KCTD16: variants seen among roughly 807,000 people sequenced by gnomAD.
KCTD16 encodes potassium channel tetramerization domain containing 16, also known as BTB/POZ domain-containing protein KCTD16.
A neutral mutation model predicts 33.2 loss-of-function variants in KCTD16; 13 were observed. The observed-to-expected ratio is 0.39, with a 90% CI of 0.25 to 0.62. The LOEUF (loss-of-function observed/expected upper bound fraction) is 0.62. Ranked by LOEUF, KCTD16 falls within the 20% of genes least tolerant of loss-of-function variation. The probability of loss-of-function intolerance (pLI) is 0.50; values close to 1 mark genes in which losing one functional copy is unlikely to be tolerated. For missense variants in KCTD16, 441 were observed against 525.1 expected (o/e 0.84, Z 1.57); for synonymous variants, 197 against 195.3 (o/e 1.01, Z -0.07).
At chr5:144,171,713 G>C (rs1245935436) in intron 1 of KCTD16, among the ~76,000 whole-genome samples, 1 of 152,180 alleles carries the variant, frequency 6.6e-6, no homozygotes, top group East Asian at 1.9e-4. Context: ...TGAGTGACTG[G>C]AACAGCAAGT....
chr5:144,396,153 C>A (rs1026094244), intron 3 of KCTD16, among the ~76,000 whole-genome samples: 1 of 152,062 alleles, frequency 6.6e-6, no homozygotes, highest in Non-Finnish European at 1.5e-5. Flanking sequence ...CTGTCAGATA[C>A]CAACTGCAGG....
chr5:144,425,893 C>T (rs908223569), intron 3 of KCTD16, among the ~76,000 whole-genome samples: 1 of 152,094 alleles, frequency 6.6e-6, no homozygotes, highest in African/African-American at 2.4e-5. Context: ...GTCTTTCTCC[C>T]ATTGTCTTGA....
At chr5:144,439,011 C>T (rs1254033725) in intron 3 of KCTD16, among the ~76,000 whole-genome samples, 3 of 151,676 alleles carry the variant, frequency 2.0e-5, no homozygotes, top group South Asian at 4.2e-4. Context: ...GCACATGTTC[C>T]TTCCTCGTTC....
intron 3 of KCTD16, among the ~76,000 whole-genome samples, chr5:144,369,056 T>C (rs1243320263): frequency 1.3e-5 from 2 of 152,072 alleles, no homozygotes; most frequent in African/African-American, 4.8e-5. Context: ...TTATGCCAGG[T>C]ATATAATTCA....
intron 3 of KCTD16, among the ~76,000 whole-genome samples, chr5:144,290,208 T>C (rs1011827549): frequency 2.0e-5 from 3 of 152,062 alleles, no homozygotes; most frequent in Non-Finnish European, 4.4e-5. Context: ...AGTGGGAGAA[T>C]TGCTTGAGTC....
chr5:144,219,556 T>G (rs891657662), intron 3 of KCTD16, among the ~76,000 whole-genome samples: 3 of 140,928 alleles, frequency 2.1e-5, no homozygotes, highest in Admixed American at 1.5e-4. Flanking sequence ...AGTCTCGCTC[T>G]GTCTCGCAGG....
intron 3 of KCTD16, among the ~76,000 whole-genome samples, chr5:144,311,807 A>AC (rs1416339765): frequency 6.6e-6 from 1 of 152,222 alleles, no homozygotes; most frequent in Non-Finnish European, 1.5e-5. Context: ...TAAACACTCT[A>AC]CCATACACAG....
At position 144,473,961 on chromosome 5, in the gene KCTD16, G is replaced by C; in HGVS notation, c.1134G>C (p.Met378Ile). ...TLTSGSRESN[M>I]SSKKKAVKEK... ...CTTCAGGCTCCAGGGAATCGAACAT[G>C]AGCAGCAAAAAAAAAGCTGTTAAAG... Residue 378 changes from methionine to isoleucine, a missense_variant, in exon 4 of 4, where the codon ATG becomes ATC. Physicochemically the swap from Met to Ile is conservative, Grantham distance 10. Transcript: ENST00000512467. 6.2e-7 allele frequency: 1 copy of C among 1,613,722 alleles called. No homozygotes were observed. Among genetic ancestry groups the C allele is most frequent in the Non-Finnish European group, 8.5e-7 (1 of 1,179,922 alleles).
chr5:144,366,465 A>C lies in KCTD16; in HGVS notation c.833-107195A>C, dbSNP rs1217930924. 2.6e-5 allele frequency among the ~76,000 whole-genome samples: 4 copies of C among 152,164 alleles called. No individual in the cohort carries two copies. In the South Asian group the frequency reaches 8.3e-4, roughly 32 times the overall value. ...CATAAAGTTGTGATCAGTTCCCATC[A>C]ATTCCAATAACTTTTCTAAGATAGT... On this transcript the variant is annotated intron_variant, in intron 3 of 3. Transcript: ENST00000512467.
intron 3 of KCTD16, among the ~76,000 whole-genome samples, chr5:144,405,437 T>C (rs1172348926): frequency 6.6e-6 from 1 of 152,238 alleles, no homozygotes; most frequent in African/African-American, 2.4e-5. Context: ...CCTTGATCCC[T>C]GCTGTCACAG....
chr5:144,408,169 G>A (rs180730965), intron 3 of KCTD16, among the ~76,000 whole-genome samples: 2 of 152,296 alleles, frequency 1.3e-5, no homozygotes, highest in African/African-American at 2.4e-5. Context: ...TTTAAGAGAC[G>A]TTATTAAGAT....
chr5:144,228,135 A>G (rs543248655), intron 3 of KCTD16, among the ~76,000 whole-genome samples: 30 of 152,274 alleles, frequency 2.0e-4, no homozygotes, highest in South Asian at 1.0e-3. Context: ...CTGAATGACA[A>G]TACTAAGGAA....
At chr5:144,321,100 C>A (rs1752061933) in intron 3 of KCTD16, among the ~76,000 whole-genome samples, 1 of 152,094 alleles carries the variant, frequency 6.6e-6, no homozygotes, top group Non-Finnish European at 1.5e-5. Context: ...AGTGATCCAC[C>A]CATCTCGGCC....
chr5:144,350,667 T>C lies in KCTD16; in HGVS notation c.833-122993T>C, dbSNP rs1751396685. The stretch of plus-strand genomic sequence containing the variant: ...CTTGGTACTGAGTTCTGTACCATTC[T>C]GTGCATGTCCAGAAAAGAAAACTTT... On this transcript the variant is annotated intron_variant, in intron 3 of 3. Coordinates refer to ENST00000512467, the MANE Select transcript of KCTD16 (RefSeq NM_020768.4). Among the ~76,000 whole-genome samples, 3 of 152,188 alleles carry C rather than the reference T, an allele frequency of 2.0e-5. No homozygotes were observed. In the South Asian group the frequency reaches 6.2e-4, roughly 32 times the overall value.
intron 3 of KCTD16, among the ~76,000 whole-genome samples, chr5:144,344,314 C>G (rs912684240): frequency 6.6e-6 from 1 of 150,550 alleles, no homozygotes; most frequent in Non-Finnish European, 1.5e-5. Context: ...GACTTCATGT[C>G]TAAAACACCA....
intron 3 of KCTD16, among the ~76,000 whole-genome samples, chr5:144,299,763 G>T (rs1751373557): frequency 6.6e-6 from 1 of 151,798 alleles, no homozygotes; most frequent in African/African-American, 2.4e-5. Context: ...TATGTTTTAG[G>T]ATTTTTAACA....
intron 3 of KCTD16, among the ~76,000 whole-genome samples, chr5:144,224,903 T>C (rs1753881163): frequency 6.6e-6 from 1 of 152,172 alleles, no homozygotes; most frequent in Non-Finnish European, 1.5e-5. Flanking sequence ...AAGATCATAC[T>C]CTTAGGGACT....
chr5:144,265,164 T>C (rs944639714), intron 3 of KCTD16, among the ~76,000 whole-genome samples: 5 of 152,220 alleles, frequency 3.3e-5, no homozygotes, highest in African/African-American at 9.6e-5. Context: ...TATCTACTTA[T>C]GAGAACTTTA....
intron 3 of KCTD16, among the ~76,000 whole-genome samples, chr5:144,366,111 T>TG (rs1751827257): frequency 6.6e-6 from 1 of 152,198 alleles, no homozygotes; most frequent in East Asian, 1.9e-4. Context: ...CTCATACATA[T>TG]GTACATATTT....
Sources: gnomAD v4.1 joint callset for allele counts (sites outside exome capture counted in the v4.1 genomes callset) on GRCh38, gnomAD v4.1.1 for gene constraint, MANE v1.5 for transcripts, NCBI Gene and HGNC (gene_info 2026-07-23, HGNC 2026-07-21) for gene names.